TRPM3: variants seen among roughly 807,000 people sequenced by gnomAD.
The protein encoded by TRPM3 is long transient receptor potential channel 3.
Under a neutral mutation model 181.2 loss-of-function variants are expected in TRPM3, and 77 were observed. The ratio of observed to expected loss-of-function variants is 0.42; its 90% confidence interval spans 0.35 to 0.51. The LOEUF (loss-of-function observed/expected upper bound fraction) is 0.51, where lower values mean the gene tolerates loss of function less well. Among genes scored for constraint, TRPM3 ranks in the 20% least tolerant of loss-of-function variants. The probability of loss-of-function intolerance (pLI) is 0.01; values close to 1 mark genes in which losing one functional copy is unlikely to be tolerated. For missense variants in TRPM3, 1,759 were observed against 2,196.7 expected, an observed-to-expected ratio of 0.80 and a Z score of 3.98; for synonymous variants, 745 against 796.4, an observed-to-expected ratio of 0.94 and a Z score of 1.09.
At chr9:71,026,845 AACAC>A (rs945965632) in intron 1 of TRPM3, among the ~76,000 whole-genome samples, 1 of 152,136 alleles carries the variant, frequency 6.6e-6, no homozygotes, top group Non-Finnish European at 1.5e-5. Flanking sequence ...CACTGGCACC[AACAC>A]ACACACAGTC....
intron 21 of TRPM3, among the ~76,000 whole-genome samples, chr9:70,591,973 T>C (rs933644241): frequency 4.6e-5 from 7 of 152,216 alleles, no homozygotes; most frequent in Non-Finnish European, 8.8e-5. Flanking sequence ...ATTTTCATCT[T>C]GACAGGTTTA....
intron 1 of TRPM3, among the ~76,000 whole-genome samples, chr9:71,253,096 A>T (rs2082451624): frequency 6.6e-6 from 1 of 152,124 alleles, no homozygotes; most frequent in Admixed American, 6.5e-5. Context: ...TTACATTTGA[A>T]ACTAGAGAGT....
intron 1 of TRPM3, among the ~76,000 whole-genome samples, chr9:71,107,922 G>T (rs549082607): frequency 6.6e-6 from 1 of 152,146 alleles, no homozygotes; most frequent in South Asian, 2.1e-4. Flanking sequence ...ACATAAATTT[G>T]GGATGTTGCA....
At chr9:71,066,814 A>C (rs1474022814) in intron 1 of TRPM3, among the ~76,000 whole-genome samples, 1 of 152,156 alleles carries the variant, frequency 6.6e-6, no homozygotes, top group African/African-American at 2.4e-5. Flanking sequence ...TCCCCCTGTC[A>C]GTCTCTCTTG....
rs73649174 is a variant in TRPM3 at position 70,567,260 on chromosome 9, A to C, written c.3224-13950T>G. Among the ~76,000 whole-genome samples, 1,509 of 152,364 alleles carry C rather than the reference A, an allele frequency of 9.9e-3. 27 individuals carry two copies. The highest frequency in any genetic ancestry group is 0.034 in the African/African-American group (1,400 of 41,584). On this transcript the variant is annotated intron_variant, in intron 22 of 25. Transcript: ENST00000677713. ...TCACTCAACAATGACACCCATCATA[A>C]AGTATGTAAAGAGAAAGGGTAGATT... is the stretch of plus-strand genomic sequence containing the variant.
intron 1 of TRPM3, among the ~76,000 whole-genome samples, chr9:71,441,688 A>C (rs952659803): frequency 1.4e-5 from 2 of 147,984 alleles, no homozygotes; most frequent in Non-Finnish European, 3.0e-5. Flanking sequence ...ACTGGAGTGC[A>C]AAGGCATGAT....
intron 1 of TRPM3, among the ~76,000 whole-genome samples, chr9:71,401,969 A>G (rs1042739493): frequency 2.0e-5 from 3 of 152,228 alleles, no homozygotes. Context: ...CAGTTCTAAA[A>G]AGGCATACCA....
At chr9:71,407,598 C>A (rs1396205395) in intron 1 of TRPM3, among the ~76,000 whole-genome samples, 1 of 152,230 alleles carries the variant, frequency 6.6e-6, no homozygotes, top group African/African-American at 2.4e-5. Flanking sequence ...GTGGAGCCCA[C>A]TGCAGCTCAA....
intron 7 of TRPM3, chr9:70,773,970 T>C (rs1030763970): frequency 3.9e-5 from 6 of 152,226 alleles, no homozygotes; most frequent in Non-Finnish European, 5.9e-5. Flanking sequence ...AAATAACAAA[T>C]AAATTCATGG....
chr9:70,958,615 T>C lies in TRPM3; in HGVS notation c.178-94104A>G, dbSNP rs542800838. On this transcript the variant is annotated intron_variant, in intron 1 of 25. Transcript: ENST00000677713. Reference sequence around the variant, plus strand: ...TCAAGGTGGTGATTCCTCAGGGATCTAGAACTAGAAATACCATTTGACCCA... The same window carrying C: ...TCAAGGTGGTGATTCCTCAGGGATCCAGAACTAGAAATACCATTTGACCCA... 1.4e-4 allele frequency among the ~76,000 whole-genome samples: 21 copies of C among 152,304 alleles called. No individual in the cohort carries two copies. The East Asian group carries it at 4.1e-3, about 29-fold the overall frequency.
At chr9:70,903,475 T>G (rs2096415488) in intron 1 of TRPM3, among the ~76,000 whole-genome samples, 1 of 151,936 alleles carries the variant, frequency 6.6e-6, no homozygotes, top group South Asian at 2.1e-4. Flanking sequence ...AATTTCCCTT[T>G]AAGTGGCACT....
intron 3 of TRPM3, among the ~76,000 whole-genome samples, chr9:70,853,283 T>C (rs1185006326): frequency 6.6e-6 from 1 of 152,224 alleles, no homozygotes; most frequent in African/African-American, 2.4e-5. Context: ...CTGTTAACAC[T>C]GGTGGCTCTA....
chr9:70,681,626 G>C (rs779343905), intron 8 of TRPM3, 48 bp from the exon 9 acceptor site: 1 of 1,533,638 alleles, frequency 6.5e-7, no homozygotes, highest in Non-Finnish European at 9.0e-7. Context: ...TTTCCCCCAA[G>C]AGAAATTAAA....
At chr9:71,176,829 G>A (rs2077127070) in intron 1 of TRPM3, among the ~76,000 whole-genome samples, 1 of 152,054 alleles carries the variant, frequency 6.6e-6, no homozygotes, top group Non-Finnish European at 1.5e-5. Context: ...TTTAACCGTT[G>A]TGTTACAGTT....
At chr9:71,319,300 G>A (rs2088963529) in intron 1 of TRPM3, among the ~76,000 whole-genome samples, 1 of 152,122 alleles carries the variant, frequency 6.6e-6, no homozygotes. Flanking sequence ...ATAGTCTGCT[G>A]TCTGCTCCCT....
At chr9:71,309,526 C>G (rs534039854) in intron 1 of TRPM3, among the ~76,000 whole-genome samples, 2 of 152,200 alleles carry the variant, frequency 1.3e-5, no homozygotes, top group Non-Finnish European at 2.9e-5. Context: ...TCCCTATCCC[C>G]AAAATAAAGT....
intron 1 of TRPM3, chr9:71,446,515 CTA>C: frequency 1.1e-6 from 1 of 882,506 alleles, no homozygotes; most frequent in South Asian, 1.9e-5. Flanking sequence ...CCCCAGCACT[CTA>C]TTTCATTAGA....
chr9:71,068,139 A>T (rs1489664428), intron 1 of TRPM3, among the ~76,000 whole-genome samples: 1 of 152,138 alleles, frequency 6.6e-6, no homozygotes. Flanking sequence ...TTCCTGACCT[A>T]TCAAAAAGGG....
chr9:71,423,705 T>TAC (rs1035720890), intron 1 of TRPM3, among the ~76,000 whole-genome samples: 57 of 152,058 alleles, frequency 3.7e-4, no homozygotes, highest in South Asian at 1.0e-3. Flanking sequence ...TATGTAGGTA[T>TAC]ACACACACAC....
Sources: gnomAD v4.1 joint callset for allele counts (sites outside exome capture counted in the v4.1 genomes callset) on GRCh38, gnomAD v4.1.1 for gene constraint, MANE v1.5 for transcripts, NCBI Gene and HGNC (gene_info 2026-07-23, HGNC 2026-07-21) for gene names.